NLGN1: variants seen among roughly 807,000 people sequenced by gnomAD.
NLGN1 encodes the protein neuroligin 1, also known as neuroligin-1.
A neutral mutation model predicts 65.5 loss-of-function variants in NLGN1; 12 were observed. The ratio of observed to expected loss-of-function variants is 0.18; its 90% CI spans 0.12 to 0.30. NLGN1 has a LOEUF of 0.30. NLGN1 is among the 10% of genes least tolerant of loss of function. The pLI, the probability that NLGN1 is intolerant of heterozygous loss-of-function variation, is 1.00. For synonymous variants in NLGN1, 350 were observed against 359.5 expected (o/e 0.97, Z 0.30); for missense variants, 750 against 1,007.1 (o/e 0.74, Z 3.46).
At chr3:174,283,620 A>ACAC (rs1404611253) in exon 7 of NLGN1, 1 of 151,516 alleles carries the variant, frequency 6.6e-6, no homozygotes, top group Non-Finnish European at 1.5e-5. Context: ...ACACTAAAAG[A>ACAC]TAAAAATCTA....
chr3:173,915,602 T>C (rs1045548754), intron 4 of NLGN1, among the ~76,000 whole-genome samples: 4 of 152,214 alleles, frequency 2.6e-5, no homozygotes, highest in African/African-American at 9.6e-5. Flanking sequence ...GCTGATACAA[T>C]CTATTCAAAA....
chr3:173,460,341 A>G (rs1366179099), intron 2 of NLGN1, among the ~76,000 whole-genome samples: 1 of 152,142 alleles, frequency 6.6e-6, no homozygotes, highest in Non-Finnish European at 1.5e-5. Context: ...GTAAGCCTTC[A>G]GGAGACTTAC....
intron 4 of NLGN1, among the ~76,000 whole-genome samples, chr3:174,098,566 C>G (rs1711636889): frequency 6.6e-6 from 1 of 152,170 alleles, no homozygotes; most frequent in Non-Finnish European, 1.5e-5. Context: ...TCTCATCTTT[C>G]TGCAGTCCTA....
At chr3:174,277,998 A>AGT (rs1317446987) in intron 5 of NLGN1, among the ~76,000 whole-genome samples, 1 of 152,008 alleles carries the variant, frequency 6.6e-6, no homozygotes, top group Non-Finnish European at 1.5e-5. Flanking sequence ...GAGAAGATAA[A>AGT]GTGTGTTTGT....
chr3:173,449,271 C>CT (rs2148834900), intron 2 of NLGN1, among the ~76,000 whole-genome samples: 1 of 152,142 alleles, frequency 6.6e-6, no homozygotes, highest in East Asian at 1.9e-4. Context: ...TGTCTTTGTT[C>CT]TCGTTGGTTT....
intron 4 of NLGN1, among the ~76,000 whole-genome samples, chr3:174,168,905 G>C (rs1031985829): frequency 6.6e-6 from 1 of 152,164 alleles, no homozygotes; most frequent in Admixed American, 6.5e-5. Flanking sequence ...GGGATAGGGG[G>C]TGGTCTAAAC....
At chr3:173,558,366 A>G (rs1342600240) in intron 2 of NLGN1, among the ~76,000 whole-genome samples, 1 of 151,938 alleles carries the variant, frequency 6.6e-6, no homozygotes, top group Non-Finnish European at 1.5e-5. Context: ...TTTTCATCTG[A>G]TTGGAAAACA....
At chr3:174,171,161 T>C (rs1728450224) in intron 4 of NLGN1, among the ~76,000 whole-genome samples, 1 of 152,128 alleles carries the variant, frequency 6.6e-6, no homozygotes, top group South Asian at 2.1e-4. Context: ...TTTCTGAGAG[T>C]AATAAATCAA....
At chr3:174,290,123 A>G (rs930896302), downstream of NLGN1, among the ~76,000 whole-genome samples, 1 of 150,732 alleles carries the variant, frequency 6.6e-6, no homozygotes, top group African/African-American at 2.4e-5. Context: ...TCAAAATTTC[A>G]ACACTGTTTG....
chr3:173,956,440 T>C (rs1712068679), intron 4 of NLGN1, among the ~76,000 whole-genome samples: 1 of 152,164 alleles, frequency 6.6e-6, no homozygotes, highest in Admixed American at 6.5e-5. Flanking sequence ...ATAAGCTAGT[T>C]ATATGTTATT....
At chr3:173,782,722 A>G (rs931168246) in intron 3 of NLGN1, among the ~76,000 whole-genome samples, 66 of 143,878 alleles carry the variant, frequency 4.6e-4, no homozygotes, top group Non-Finnish European at 1.8e-4. Flanking sequence ...CATTGTTCTT[A>G]CCACCCATGA....
intron 4 of NLGN1, among the ~76,000 whole-genome samples, chr3:173,840,899 T>TA (rs1724643696): frequency 1.3e-5 from 2 of 152,128 alleles, no homozygotes; most frequent in Non-Finnish European, 2.9e-5. Context: ...AGAAATACCC[T>TA]AACCCACACG....
chr3:173,895,375 G>C (rs779792318), intron 4 of NLGN1, among the ~76,000 whole-genome samples: 2 of 152,134 alleles, frequency 1.3e-5, no homozygotes, highest in African/African-American at 2.4e-5. Context: ...TCTCTACCAG[G>C]ATTGCCCGGA....
intron 3 of NLGN1, among the ~76,000 whole-genome samples, chr3:173,631,989 T>A (rs1041428530): frequency 6.6e-6 from 1 of 152,134 alleles, no homozygotes; most frequent in African/African-American, 2.4e-5. Context: ...AGCTGGGTTA[T>A]AAACCCTTGG....
At chr3:173,719,252 A>G (rs765931523) in intron 3 of NLGN1, among the ~76,000 whole-genome samples, 6 of 152,082 alleles carry the variant, frequency 3.9e-5, no homozygotes, top group Non-Finnish European at 7.4e-5. Context: ...TTGATCTCTG[A>G]TTTTCCTCTC....
At chr3:173,857,974 C>T (rs1231769006) in intron 4 of NLGN1, among the ~76,000 whole-genome samples, 2 of 130,874 alleles carry the variant, frequency 1.5e-5, no homozygotes, top group African/African-American at 2.9e-5. Flanking sequence ...TATTCCCCAT[C>T]CCAAGGCCAC....
At chr3:174,064,501 T>C (rs1738073983) in intron 4 of NLGN1, among the ~76,000 whole-genome samples, 1 of 151,618 alleles carries the variant, frequency 6.6e-6, no homozygotes. Flanking sequence ...CTTGGACATA[T>C]AACTTAACCT....
chr3:174,159,722 A>G (rs891792084), intron 4 of NLGN1, among the ~76,000 whole-genome samples: 10 of 151,734 alleles, frequency 6.6e-5, no homozygotes, highest in African/African-American at 9.7e-5. Flanking sequence ...TGGATTCCAC[A>G]GTTTATTTGT....
chr3:174,281,231 T>C (rs1313679969), exon 7 of NLGN1: 1 of 1,613,112 alleles, frequency 6.2e-7, no homozygotes, highest in Admixed American at 1.7e-5. Flanking sequence ...TCAATACATT[T>C]ACTGGAGGAC....
Sources: gnomAD v4.1 joint callset for allele counts (sites outside exome capture counted in the v4.1 genomes callset) on GRCh38, gnomAD v4.1.1 for gene constraint, MANE v1.5 for transcripts, NCBI Gene and HGNC (gene_info 2026-07-23, HGNC 2026-07-21) for gene names.